The following CDH4 variants were observed in gnomAD, a reference collection of about 807,000 sequenced individuals.
CDH4 encodes the protein cadherin 4.
In CDH4, 33 loss-of-function variants were observed where a neutral mutation model predicts 86.0. That is an observed-to-expected ratio of 0.38 (90% CI 0.29 to 0.51). The LOEUF is 0.51. CDH4 is among the 20% of genes least tolerant of loss of function. The pLI is 0.86. For missense variants in CDH4, 1,114 were observed against 1,307.4 expected (o/e 0.85, Z 2.28); for synonymous variants, 555 against 549.4 (o/e 1.01, Z -0.14).
chr20:61,297,666 C>T (rs1291795231), intron 2 of CDH4, among the ~76,000 whole-genome samples: 1 of 152,246 alleles, frequency 6.6e-6, no homozygotes, highest in Non-Finnish European at 1.5e-5. Context: ...CACCAAGAAG[C>T]TCCTCTGTCC....
chr20:61,320,984 C>T (rs1049591227), intron 2 of CDH4, among the ~76,000 whole-genome samples: 22 of 152,090 alleles, frequency 1.4e-4, no homozygotes, highest in African/African-American at 4.6e-4. Flanking sequence ...CAGGTCTCTC[C>T]TCCAGGCTGG....
chr20:61,664,546 A>C (rs564246865), intron 2 of CDH4, among the ~76,000 whole-genome samples: 1 of 152,368 alleles, frequency 6.6e-6, no homozygotes, highest in Non-Finnish European at 1.5e-5. Context: ...GTTTTAAAGC[A>C]GCATGCGGAA....
chr20:61,885,331 A>G (rs1274199904), intron 7 of CDH4, among the ~76,000 whole-genome samples: 2 of 152,092 alleles, frequency 1.3e-5, no homozygotes, highest in Non-Finnish European at 2.9e-5. Flanking sequence ...AGCCCCTGGC[A>G]GCCCCAAATC....
At chr20:61,581,402 A>T (rs1333368749) in intron 2 of CDH4, among the ~76,000 whole-genome samples, 2 of 152,120 alleles carry the variant, frequency 1.3e-5, no homozygotes, top group African/African-American at 4.8e-5. Context: ...AGGACCCTGG[A>T]GAATTCATTT....
At chr20:61,495,419 C>T (rs955123054) in intron 2 of CDH4, among the ~76,000 whole-genome samples, 3 of 152,274 alleles carry the variant, frequency 2.0e-5, no homozygotes, top group Non-Finnish European at 4.4e-5. Context: ...CCCCGCTTAT[C>T]CTGAGAGGTC....
At chr20:61,900,669 G>A (rs954758782) in intron 8 of CDH4, among the ~76,000 whole-genome samples, 1 of 152,180 alleles carries the variant, frequency 6.6e-6, no homozygotes, top group African/African-American at 2.4e-5. Flanking sequence ...TCCCAGCCGC[G>A]GTGCTTCCGC....
chr20:61,253,684 T>C (rs1454262161), intron 1 of CDH4, among the ~76,000 whole-genome samples: 2 of 152,050 alleles, frequency 1.3e-5, no homozygotes, highest in East Asian at 1.9e-4. Context: ...GTTTAGAGCT[T>C]TTCGTAAGGA....
chr20:61,670,716 G>A (rs1382691327), intron 2 of CDH4, among the ~76,000 whole-genome samples: 1 of 152,232 alleles, frequency 6.6e-6, no homozygotes, highest in East Asian at 1.9e-4. Flanking sequence ...CATGACTTCT[G>A]TGGCCATTCT....
intron 4 of CDH4, among the ~76,000 whole-genome samples, chr20:61,780,339 T>A (rs897490242): frequency 2.6e-5 from 4 of 152,166 alleles, no homozygotes; most frequent in Non-Finnish European, 4.4e-5. Flanking sequence ...GAGAACTCCC[T>A]ACTTCTCAGG....
rs1340330977 is a variant in CDH4, at chr20:61,663,730, AG to A, written c.170-79830del. Among the ~76,000 whole-genome samples the A allele has an allele frequency of 6.6e-6, 1 of 151,694 alleles. No homozygotes were observed. The highest frequency in any genetic ancestry group is 1.5e-5 in the Non-Finnish European group (1 of 67,932). On this transcript the variant is annotated intron_variant, in intron 2 of 15. Coordinates refer to ENST00000614565, the MANE Select transcript of CDH4 (RefSeq NM_001794.5). This position sits in a 1 kb window ranked among gnomAD's most constrained non-coding sequence, Gnocchi z 5.0. ...TGAGGAAGGACGTGCAGAACCAGGCAGGGCTGACAGACGCGGGGTCGGGGGA... is the reference window on the plus strand; with the variant it reads ...TGAGGAAGGACGTGCAGAACCAGGCAGGCTGACAGACGCGGGGTCGGGGGA...
intron 2 of CDH4, among the ~76,000 whole-genome samples, chr20:61,287,959 T>C (rs531066834): frequency 6.6e-5 from 10 of 152,234 alleles, no homozygotes; most frequent in African/African-American, 1.9e-4. Flanking sequence ...CCCCAGAGTG[T>C]GGTGGAAATC....
chr20:61,454,430 C>G (rs371431801), intron 2 of CDH4, among the ~76,000 whole-genome samples: 17 of 152,160 alleles, frequency 1.1e-4, no homozygotes, highest in African/African-American at 4.1e-4. Flanking sequence ...TCAGGGGGAA[C>G]AGGGAGGGAG....
chr20:61,380,497 G>A (rs8126308), intron 2 of CDH4, among the ~76,000 whole-genome samples: 35,938 of 149,668 alleles, frequency 0.24, 4,737 homozygotes, highest in African/African-American at 0.33. Flanking sequence ...CTTCCACGGC[G>A]CTCCCACCAA....
intron 2 of CDH4, among the ~76,000 whole-genome samples, chr20:61,257,336 G>A (rs2084104241): frequency 6.6e-6 from 1 of 152,216 alleles, no homozygotes; most frequent in South Asian, 2.1e-4. Flanking sequence ...AAATGTCGTG[G>A]CATTTTGTTT....
chr20:61,450,549 C>T (rs982601481), intron 2 of CDH4, among the ~76,000 whole-genome samples: 5 of 152,138 alleles, frequency 3.3e-5, no homozygotes, highest in African/African-American at 7.2e-5. Context: ...CAGATGCGAA[C>T]GGCTGCTTTG....
intron 2 of CDH4, among the ~76,000 whole-genome samples, chr20:61,258,714 G>T (rs2084114341): frequency 6.6e-6 from 1 of 152,254 alleles, no homozygotes; most frequent in Non-Finnish European, 1.5e-5. Flanking sequence ...ACACGGTCAT[G>T]TGCCTGCCTA....
At position 61,910,567 on chromosome 20, in the gene CDH4, C is replaced by T; in HGVS notation, c.1334C>T (p.Thr445Ile). Residue 445 changes from threonine (T) to isoleucine (I), a missense_variant, in exon 9 of 16, where the codon ACA becomes ATA. Around this residue, in one of 3 missense-constraint regions of CDH4, gnomAD observed 705 missense variants for 914.1 expected, o/e 0.77. Transcript: ENST00000614565. Reference protein sequence around the residue: ...GDPSGHFSVRTDPVTNEGMVT... With the variant: ...GDPSGHFSVRIDPVTNEGMVT... The stretch of plus-strand genomic sequence containing the variant: ...CCATCCGGGCACTTCAGCGTCCGCA[C>T]AGACCCCGTAACCAACGAGGGCATG... 2 of 1,613,890 alleles carry T rather than the reference C, an allele frequency of 1.2e-6. No individual in the cohort carries two copies. The highest frequency in any genetic ancestry group is 1.7e-6 in the Non-Finnish European group (2 of 1,180,006).
At chr20:61,864,424 C>CGAACATCCTG (rs1229439694) in intron 6 of CDH4, among the ~76,000 whole-genome samples, 2 of 152,242 alleles carry the variant, frequency 1.3e-5, no homozygotes, top group African/African-American at 4.8e-5. Flanking sequence ...CCCTGTCCAT[C>CGAACATCCTG]GAACATCCTG....
At chr20:61,523,012 G>A (rs80353848) in intron 2 of CDH4, among the ~76,000 whole-genome samples, 7,527 of 152,270 alleles carry the variant, frequency 0.049, 572 homozygotes, top group African/African-American at 0.17. Flanking sequence ...ATCAGCCACC[G>A]GCCTCCAGGA....
Sources: gnomAD v4.1 joint callset for allele counts (sites outside exome capture counted in the v4.1 genomes callset) on GRCh38, gnomAD v4.1.1 for gene constraint, gnomAD v4.1.1 regional missense constraint, Gnocchi (gnomAD v3.1) non-coding constraint, MANE v1.5 for transcripts, NCBI Gene and HGNC (gene_info 2026-07-23, HGNC 2026-07-21) for gene names.